Variants in LMX1A observed in about 807,000 individuals in gnomAD.
LMX1A encodes LIM homeobox transcription factor 1 alpha.
In LMX1A, 15 loss-of-function variants were observed where a neutral mutation model predicts 49.1. The ratio of observed to expected loss-of-function variants is 0.31; its 90% CI spans 0.20 to 0.47. The LOEUF (loss-of-function observed/expected upper bound fraction) is 0.47. Among genes scored for constraint, LMX1A ranks in the 20% least tolerant of loss-of-function variants. The probability of loss-of-function intolerance (pLI) is 1.00; values close to 1 mark genes in which losing one functional copy is unlikely to be tolerated. For synonymous variants in LMX1A, 167 were observed against 185.7 expected, an observed-to-expected ratio of 0.90 and a Z score of 0.82; for missense variants, 372 against 475.8, an observed-to-expected ratio of 0.78 and a Z score of 2.03.
At chr1:165,204,117 T>C in intron 8 of LMX1A, 77 bp from the exon 9 acceptor site, 1 of 1,487,974 alleles carries the variant, frequency 6.7e-7, no homozygotes, top group African/African-American at 1.4e-5. Context: ...TCAGCTGAAT[T>C]CAACAAGTGT....
At chr1:165,227,549 A>ATATG (rs1320054569) in intron 4 of LMX1A, among the ~76,000 whole-genome samples, 3 of 150,258 alleles carry the variant, frequency 2.0e-5, no homozygotes, top group Non-Finnish European at 4.4e-5. Context: ...TCAATAATAC[A>ATATG]TACGTACATA....
At chr1:165,269,706 T>C (rs1230651249) in intron 3 of LMX1A, among the ~76,000 whole-genome samples, 1 of 152,154 alleles carries the variant, frequency 6.6e-6, no homozygotes, top group Middle Eastern at 3.2e-3. Context: ...TGGAATACAA[T>C]GCAGCCATAA....
chr1:165,284,013 A>G (rs1313086078), intron 3 of LMX1A, among the ~76,000 whole-genome samples: 2 of 152,182 alleles, frequency 1.3e-5, no homozygotes, highest in African/African-American at 4.8e-5. Context: ...CCCAACCTTC[A>G]TCATTACAGT....
chr1:165,222,458 T>G (rs78132817), intron 4 of LMX1A, among the ~76,000 whole-genome samples: 3,106 of 152,324 alleles, frequency 0.02, 60 homozygotes, highest in South Asian at 0.089. Context: ...GTAGTCCAAT[T>G]CTGCTATATT....
chr1:165,278,797 A>T (rs1654047240), intron 3 of LMX1A, among the ~76,000 whole-genome samples: 1 of 152,192 alleles, frequency 6.6e-6, no homozygotes, highest in Non-Finnish European at 1.5e-5. Context: ...CTCACCTGCT[A>T]GGAAGCCACT....
intron 3 of LMX1A, among the ~76,000 whole-genome samples, chr1:165,319,972 G>T (rs1480265735): frequency 6.6e-6 from 1 of 152,080 alleles, no homozygotes; most frequent in African/African-American, 2.4e-5. Flanking sequence ...TTATAGTTCT[G>T]CATAACAACC....
At chr1:165,251,001 T>C (rs576230483) in intron 3 of LMX1A, among the ~76,000 whole-genome samples, 1 of 150,738 alleles carries the variant, frequency 6.6e-6, no homozygotes, top group Non-Finnish European at 1.5e-5. Flanking sequence ...TCCAGAAAGG[T>C]GACAGGTGAG....
At chr1:165,231,102 ATTTATTTATTTATT>A (rs1652225059) in intron 4 of LMX1A, among the ~76,000 whole-genome samples, 1 of 151,758 alleles carries the variant, frequency 6.6e-6, no homozygotes, top group Non-Finnish European at 1.5e-5. Context: ...TTATTTATTT[ATTTATTTATTTATT>A]TTTAAGTGAT....
chr1:165,350,350 T>A (rs945963830), intron 3 of LMX1A, among the ~76,000 whole-genome samples: 3 of 152,206 alleles, frequency 2.0e-5, no homozygotes, highest in African/African-American at 7.2e-5. Flanking sequence ...TCCTACACTC[T>A]AAATGGAAGA....
intron 3 of LMX1A, among the ~76,000 whole-genome samples, chr1:165,347,902 C>T (rs1656297013): frequency 6.6e-6 from 1 of 152,194 alleles, no homozygotes; most frequent in Non-Finnish European, 1.5e-5. Flanking sequence ...GAAAAATTAG[C>T]TGATAATGAA....
In LMX1A at chr1:165,203,927, G is replaced by T. The variant is rs1650954235; in HGVS notation, c.1102C>A (p.Pro368Thr). 6.2e-7 allele frequency: 1 copy of T among 1,613,956 alleles called. No individual in the cohort carries two copies. Among genetic ancestry groups the T allele is most frequent in the African/African-American group, 1.3e-5 (1 of 74,884 alleles). The change falls in exon 9 of 9, where the codon CCC becomes ACC. Residue 368 changes from proline to threonine, a missense_variant. Transcript: ENST00000342310. ...TGCATGGAGTACAGATGGTCAATGG[G>T]GTTTCCCACTCTGGACTGCAGAGGC... ...AGPLQSRVGN[P>T]IDHLYSMQNS...
In LMX1A at chr1:165,242,929, C is replaced by CAAAAAA. The variant is rs35937155; in HGVS notation, c.496+6473_496+6478dup. On this transcript the variant is annotated intron_variant, in intron 4 of 8. Transcript: ENST00000342310. ...TGGACAACAGAGCGAAACTCCACCT[C>CAAAAAA]AAAAAAAAAAAAAAAAAACAAAACA... Among the ~76,000 whole-genome samples, 193 of 115,042 alleles carry CAAAAAA rather than the reference C, an allele frequency of 1.7e-3. 2 individuals carry two copies. The highest frequency in any genetic ancestry group is 2.3e-3 in the Non-Finnish European group (129 of 56,688). The allele number at this position is 115,042 out of a possible 152,430, so 75.5% of individuals were successfully genotyped here.
chr1:165,336,970 T>A (rs773593047), intron 3 of LMX1A, among the ~76,000 whole-genome samples: 5 of 152,056 alleles, frequency 3.3e-5, no homozygotes, highest in Non-Finnish European at 7.4e-5. Context: ...AGAGTAGAAG[T>A]GGGTTGCAAT....
chr1:165,274,896 T>A (rs927439271), intron 3 of LMX1A, among the ~76,000 whole-genome samples: 1 of 152,130 alleles, frequency 6.6e-6, no homozygotes, highest in African/African-American at 2.4e-5. Context: ...CATAAGGTAG[T>A]TGAGAGGATT....
intron 4 of LMX1A, among the ~76,000 whole-genome samples, chr1:165,233,363 G>A (rs1652305828): frequency 6.6e-6 from 1 of 152,208 alleles, no homozygotes; most frequent in Non-Finnish European, 1.5e-5. Context: ...TATGAGGCAG[G>A]AGGATTGCAT....
At chr1:165,325,030 C>T (rs1655525124) in intron 3 of LMX1A, among the ~76,000 whole-genome samples, 1 of 152,148 alleles carries the variant, frequency 6.6e-6, no homozygotes, top group Admixed American at 6.5e-5. Context: ...CCAGGGAGCC[C>T]CTGCCACTCC....
intron 4 of LMX1A, among the ~76,000 whole-genome samples, chr1:165,248,110 A>T (rs939791293): frequency 1.3e-5 from 2 of 152,254 alleles, no homozygotes; most frequent in African/African-American, 4.8e-5. Context: ...TCCCAGTAGG[A>T]GAAGTTAAGG....
chr1:165,220,408 G>A (rs761147863), intron 4 of LMX1A, among the ~76,000 whole-genome samples: 2 of 152,202 alleles, frequency 1.3e-5, no homozygotes, highest in Admixed American at 6.5e-5. Context: ...TGTTACAAAG[G>A]ACAGGAAGGA....
chr1:165,294,683 G>A (rs1389601356), intron 3 of LMX1A, among the ~76,000 whole-genome samples: 1 of 152,230 alleles, frequency 6.6e-6, no homozygotes, highest in Middle Eastern at 3.2e-3. Context: ...TTACATGCGG[G>A]CTGGGCACGG....
Sources: allele counts gnomAD v4.1 joint callset (sites outside exome capture counted in the v4.1 genomes callset), GRCh38; gene constraint gnomAD v4.1.1; transcripts MANE v1.5; gene names NCBI Gene and HGNC (gene_info 2026-07-23, HGNC 2026-07-21).